The following SCN1A variants were observed in gnomAD, a reference collection of about 807,000 sequenced individuals.
SCN1A encodes the protein sodium voltage-gated channel alpha subunit 1, also known as sodium channel protein type 1 subunit alpha.
A neutral mutation model predicts 193.7 loss-of-function variants in SCN1A; 13 were observed. That is an observed-to-expected ratio of 0.07 (90% CI 0.04 to 0.11). SCN1A has a LOEUF of 0.11. SCN1A is among the 10% of genes least tolerant of loss of function. The pLI is 1.00. For missense variants in SCN1A, 1,432 were observed against 2,451.1 expected (o/e 0.58, Z 8.78); for synonymous variants, 781 against 843.6 (o/e 0.93, Z 1.29).
chr2:166,054,183 ATACT>A (rs1698889980), intron 7 of SCN1A, among the ~76,000 whole-genome samples: 2 of 151,978 alleles, frequency 1.3e-5, no homozygotes, highest in South Asian at 4.1e-4. Flanking sequence ...ATGCTAGTAG[ATACT>A]TACTTTCAAT....
chr2:166,082,745 A>T (rs1413169365), intron 2 of SCN1A, among the ~76,000 whole-genome samples: 10 of 152,078 alleles, frequency 6.6e-5, no homozygotes, highest in Non-Finnish European at 8.8e-5. Context: ...ATTTATCTGT[A>T]ACTCCAAAGT....
chr2:166,105,717 G>A (rs1296080951), intron 2 of SCN1A, among the ~76,000 whole-genome samples: 1 of 152,074 alleles, frequency 6.6e-6, no homozygotes, highest in Non-Finnish European at 1.5e-5. Context: ...TAGTGAAAAA[G>A]GCTATTTTCC....
In SCN1A at chr2:165,992,737, C is replaced by G. The variant is rs975697303; in HGVS notation, c.4853-315G>C. ...AATAAGTTAAAAATGCACATTTGGC[C>G]GAACAGTAGCAGCCCAACAGTATAG... On this transcript the variant is annotated intron_variant, in intron 28 of 28. Transcript: ENST00000674923. The surrounding 1 kb of genome is among the most constrained non-coding windows in gnomAD (Gnocchi z 6.5). The G allele has an allele frequency of 6.1e-6, 1 of 162,970 alleles. No individual in the cohort carries two copies. The allele number at this position is 162,970 out of a possible 1,614,324, so 10.1% of individuals were successfully genotyped here. A position where few individuals can be genotyped will look rare whatever the true frequency, so the allele number is the denominator to read the frequency against.
At chr2:166,008,864 G>T (rs150719614) in intron 23 of SCN1A, among the ~76,000 whole-genome samples, 2,971 of 150,526 alleles carry the variant, frequency 0.02, 37 homozygotes, top group Middle Eastern at 0.061. Flanking sequence ...AAAAAAAGCA[G>T]AACTAATTTT....
chr2:166,148,233 C>A (rs187058939), intron 1 of SCN1A, among the ~76,000 whole-genome samples: 76 of 152,280 alleles, frequency 5.0e-4, no homozygotes, highest in Non-Finnish European at 8.1e-4. Flanking sequence ...CTGGTTAAAT[C>A]TTATTAAAAT....
chr2:166,080,116 G>A (rs1298613948), intron 2 of SCN1A, among the ~76,000 whole-genome samples: 1 of 151,432 alleles, frequency 6.6e-6, no homozygotes, highest in Non-Finnish European at 1.5e-5. Context: ...AATAAATCAT[G>A]AATTTTCCAT....
chr2:166,003,345 C>G (rs567641331), intron 23 of SCN1A, among the ~76,000 whole-genome samples: 1 of 151,454 alleles, frequency 6.6e-6, no homozygotes, highest in Non-Finnish European at 1.5e-5. Flanking sequence ...ATCATCACAT[C>G]GTTTATTTCA....
chr2:166,059,196 G>A (rs934638271), intron 4 of SCN1A, among the ~76,000 whole-genome samples: 25 of 151,928 alleles, frequency 1.6e-4, no homozygotes, highest in Admixed American at 3.9e-4. Flanking sequence ...CACTCTCTTC[G>A]TAATAGAAAA....
chr2:166,034,773 T>G (rs912350532), intron 19 of SCN1A, among the ~76,000 whole-genome samples: 4 of 152,174 alleles, frequency 2.6e-5, no homozygotes, highest in Non-Finnish European at 4.4e-5. Flanking sequence ...CAGGTTGGAC[T>G]TTATTCTGAT....
At chr2:166,139,966 A>G (rs1045718262) in intron 1 of SCN1A, among the ~76,000 whole-genome samples, 2 of 151,934 alleles carry the variant, frequency 1.3e-5, no homozygotes, top group African/African-American at 2.4e-5. Flanking sequence ...TCTAAGAATA[A>G]TTTTAGAATA....
At chr2:166,145,610 G>A (rs992736360) in intron 1 of SCN1A, among the ~76,000 whole-genome samples, 18 of 152,116 alleles carry the variant, frequency 1.2e-4, no homozygotes, top group African/African-American at 4.3e-4. Context: ...TCGAGAAAAT[G>A]TCTGTACTAA....
rs1457641968 is a variant in SCN1A at position 165,991,602 on chromosome 2, C to T, written c.5673G>A (p.Glu1891=). The change falls in exon 29 of 29, where the codon GAG becomes GAA. Residue 1891 remains glutamate, a synonymous_variant. Transcript: ENST00000674923. ...EMDALRIQME[E]RFMASNPSKV... is the part of the protein sequence containing the mutation. ...TGGAAGGATTGGAAGCCATGAATCG[C>T]TCTTCCATCTGTATTCGTAGAGCAT... 2.5e-6 allele frequency: 4 copies of T among 1,613,848 alleles called. No individual in the cohort carries two copies. The Admixed American group carries it at 6.7e-5, about 27-fold the overall frequency.
intron 2 of SCN1A, among the ~76,000 whole-genome samples, chr2:166,115,999 T>C (rs913369635): frequency 4.6e-5 from 7 of 152,184 alleles, no homozygotes; most frequent in African/African-American, 1.4e-4. Context: ...GACCTAGAGA[T>C]AGAAACAGCT....
intron 2 of SCN1A, among the ~76,000 whole-genome samples, chr2:166,121,184 T>C (rs1397663470): frequency 6.6e-6 from 1 of 151,628 alleles, no homozygotes; most frequent in African/African-American, 2.4e-5. Flanking sequence ...TGATTCATTC[T>C]AGATTACAGC....
chr2:166,132,360 G>T (rs1220180459), upstream of SCN1A, among the ~76,000 whole-genome samples: 1 of 133,582 alleles, frequency 7.5e-6, no homozygotes, highest in East Asian at 2.4e-4. Flanking sequence ...TGCTTTTGTA[G>T]ATGTCAATTT....
At chr2:166,045,376 C>A in intron 12 of SCN1A, 49 bp from the exon 13 acceptor site, 2 of 1,590,458 alleles carry the variant, frequency 1.3e-6, no homozygotes, top group Non-Finnish European at 1.7e-6. Flanking sequence ...GAGACTGTAT[C>A]TTTCTTTGAA....
chr2:166,052,493 T>C (rs1698677452), intron 8 of SCN1A, among the ~76,000 whole-genome samples: 1 of 151,904 alleles, frequency 6.6e-6, no homozygotes, highest in South Asian at 2.1e-4. Context: ...TCTCTTTTGT[T>C]AGCAAAAAAC....
At chr2:166,142,261 T>C (rs2106303335) in intron 1 of SCN1A, among the ~76,000 whole-genome samples, 1 of 152,272 alleles carries the variant, frequency 6.6e-6, no homozygotes, top group East Asian at 1.9e-4. Context: ...TAAAACCAAA[T>C]AGTTTGCTTT....
chr2:166,067,686 T>C (rs975135628), intron 4 of SCN1A, among the ~76,000 whole-genome samples: 1 of 150,692 alleles, frequency 6.6e-6, no homozygotes, highest in Non-Finnish European at 1.5e-5. Flanking sequence ...ATATATAGCA[T>C]GTAGAGTACA....
Sources: gnomAD v4.1 joint callset for allele counts (sites outside exome capture counted in the v4.1 genomes callset) on GRCh38, gnomAD v4.1.1 for gene constraint, Gnocchi (gnomAD v3.1) non-coding constraint, MANE v1.5 for transcripts, NCBI Gene and HGNC (gene_info 2026-07-23, HGNC 2026-07-21) for gene names.